Variants in BCAS1 observed in about 807,000 individuals in gnomAD.
BCAS1 encodes breast carcinoma-amplified sequence 1.
BCAS1 carries 46 observed loss-of-function variants against 65.4 expected under a neutral mutation model. The observed-to-expected ratio is 0.70, with a 90% CI of 0.55 to 0.90. The LOEUF is 0.90. Among genes scored for constraint, BCAS1 ranks in the 40% least tolerant of loss-of-function variants. The pLI is 0.00. For synonymous variants in BCAS1, 298 were observed against 293.5 expected, an observed-to-expected ratio of 1.02 and a Z score of -0.16; for missense variants, 793 against 771.2, an observed-to-expected ratio of 1.03 and a Z score of -0.33.
At chr20:54,011,417 G>C (rs1181242371) in intron 4 of BCAS1, among the ~76,000 whole-genome samples, 2 of 152,044 alleles carry the variant, frequency 1.3e-5, no homozygotes, top group African/African-American at 4.8e-5. Flanking sequence ...AATCCAATTA[G>C]AAAATGGGCA....
chr20:54,056,778 T>G (rs1265940430), intron 3 of BCAS1, among the ~76,000 whole-genome samples: 1 of 152,134 alleles, frequency 6.6e-6, no homozygotes, highest in Admixed American at 6.5e-5. Flanking sequence ...CCTTCATTAC[T>G]CAGGAAAGGA....
At chr20:53,959,896 G>A (rs547930714) in intron 10 of BCAS1, among the ~76,000 whole-genome samples, 1 of 152,146 alleles carries the variant, frequency 6.6e-6, no homozygotes, top group African/African-American at 2.4e-5. Context: ...GCTTGAGAAG[G>A]TTTAGAAAAA....
At chr20:53,962,196 G>A (rs1047327100) in intron 10 of BCAS1, among the ~76,000 whole-genome samples, 1 of 152,090 alleles carries the variant, frequency 6.6e-6, no homozygotes, top group Non-Finnish European at 1.5e-5. Context: ...TGTAACTACC[G>A]TCACAGACCA....
chr20:54,059,021 G>T (rs1334533303), intron 1 of BCAS1, among the ~76,000 whole-genome samples: 2 of 152,194 alleles, frequency 1.3e-5, no homozygotes, highest in African/African-American at 4.8e-5. Flanking sequence ...AAGAATGAGT[G>T]CGAGCTGGGG....
At chr20:53,996,084 G>A in intron 4 of BCAS1, 34 bp from the exon 5 acceptor site, 3 of 1,544,478 alleles carry the variant, frequency 1.9e-6, no homozygotes, top group Non-Finnish European at 2.6e-6. Flanking sequence ...GTTGCCACTT[G>A]CTGAATGTGA....
At chr20:53,999,882 AC>A (rs2091013914) in intron 4 of BCAS1, among the ~76,000 whole-genome samples, 1 of 152,048 alleles carries the variant, frequency 6.6e-6, no homozygotes, top group South Asian at 2.1e-4. Flanking sequence ...AGTGTGTGCC[AC>A]CATGCCTGTC....
Position 53,985,367 on chromosome 20 carries a change from T to C in BCAS1, c.1195A>G (p.Thr399Ala). 1.2e-6 allele frequency: 2 copies of C among 1,614,034 alleles called. No individual in the cohort carries two copies. The highest frequency in any genetic ancestry group is 1.7e-6 in the Non-Finnish European group (2 of 1,179,956). Residue 399 changes from threonine (T) to alanine (A), a missense_variant, in exon 8 of 13, where the codon ACC becomes GCC. Coordinates refer to ENST00000688948, the MANE Select transcript of BCAS1 (RefSeq NM_001366298.2). ...GTGCCTTCCTTCGCAGGTTCAGGGG[T>C]TGTCACGGACTGTGTGTGCCCCGAT... Reference protein sequence around the residue: ...NPSGHTQSVTTPEPAKEGTKE... With the variant: ...NPSGHTQSVTAPEPAKEGTKE...
intron 1 of BCAS1, among the ~76,000 whole-genome samples, chr20:54,063,053 C>T (rs1327772063): frequency 6.6e-6 from 1 of 152,240 alleles, no homozygotes; most frequent in Non-Finnish European, 1.5e-5. Flanking sequence ...CTTCTGTTCA[C>T]AGTTGGCAAG....
chr20:53,947,567 G>C lies in BCAS1; in HGVS notation c.1816-2571C>G, dbSNP rs564304554. Among the ~76,000 whole-genome samples, 21 of 152,168 alleles carry C rather than the reference G, an allele frequency of 1.4e-4. No homozygotes were observed. In the East Asian group the frequency reaches 3.9e-3, roughly 28 times the overall value. On this transcript the variant is annotated intron_variant, in intron 12 of 12. Transcript: ENST00000688948. ...GAGGTCTTAGACTGCCATCCCACCC[G>C]GTCCTCACTGCAGCCCACGAGGTTG...
chr20:53,956,449 C>T (rs1187341723), intron 11 of BCAS1, among the ~76,000 whole-genome samples: 2 of 152,236 alleles, frequency 1.3e-5, no homozygotes, highest in East Asian at 3.8e-4. Context: ...TTTAAAGCAA[C>T]CACCTATGGC....
At chr20:53,971,201 C>G (rs575870045) in intron 9 of BCAS1, among the ~76,000 whole-genome samples, 1 of 152,334 alleles carries the variant, frequency 6.6e-6, no homozygotes, top group Admixed American at 6.5e-5. Context: ...AGTAATGGAA[C>G]ATGGGTAGAA....
chr20:53,990,460 G>A (rs2090727600), intron 7 of BCAS1, among the ~76,000 whole-genome samples: 1 of 152,162 alleles, frequency 6.6e-6, no homozygotes, highest in African/African-American at 2.4e-5. Flanking sequence ...TTATAAGAAG[G>A]ATCATAGAGA....
chr20:54,000,838 T>A (rs1003834130), intron 4 of BCAS1, among the ~76,000 whole-genome samples: 2 of 152,244 alleles, frequency 1.3e-5, no homozygotes, highest in African/African-American at 4.8e-5. Context: ...ATTTGGATTT[T>A]AAAAATATAT....
intron 4 of BCAS1, among the ~76,000 whole-genome samples, chr20:53,999,586 G>C (rs2091006973): frequency 1.3e-5 from 2 of 151,772 alleles, no homozygotes; most frequent in Admixed American, 1.3e-4. Context: ...TTCCCCCTGG[G>C]TCACTCTTTT....
chr20:54,025,710 A>G (rs1398307856), intron 4 of BCAS1, among the ~76,000 whole-genome samples: 1 of 152,066 alleles, frequency 6.6e-6, no homozygotes, highest in Non-Finnish European at 1.5e-5. Flanking sequence ...AATTCACCCT[A>G]AGAATTCTGA....
At chr20:53,954,526 C>T (rs891417349) in intron 11 of BCAS1, among the ~76,000 whole-genome samples, 8 of 152,172 alleles carry the variant, frequency 5.3e-5, no homozygotes, top group Non-Finnish European at 1.0e-4. Flanking sequence ...CCTTTTGCTT[C>T]ATGAAATGGT....
At chr20:54,009,957 A>G (rs951351717) in intron 4 of BCAS1, among the ~76,000 whole-genome samples, 1 of 152,200 alleles carries the variant, frequency 6.6e-6, no homozygotes, top group African/African-American at 2.4e-5. Flanking sequence ...CACAATAGTG[A>G]CAGACTAAAG....
intron 5 of BCAS1, among the ~76,000 whole-genome samples, 189 bp downstream of exon 5, chr20:53,995,703 G>C (rs753729289): frequency 6.6e-6 from 1 of 152,140 alleles, no homozygotes; most frequent in South Asian, 2.1e-4. Context: ...AGCTTCAGGG[G>C]CTCTCTTGCT....
intron 4 of BCAS1, among the ~76,000 whole-genome samples, chr20:54,000,245 G>C (rs1020719627): frequency 6.6e-6 from 1 of 152,106 alleles, no homozygotes; most frequent in African/African-American, 2.4e-5. Flanking sequence ...ATTTACCACT[G>C]GTATCTGGAG....
Sources: allele counts gnomAD v4.1 joint callset (sites outside exome capture counted in the v4.1 genomes callset), GRCh38; gene constraint gnomAD v4.1.1; transcripts MANE v1.5; gene names NCBI Gene and HGNC (gene_info 2026-07-23, HGNC 2026-07-21).